The following ENTPD1 variants were observed in gnomAD, a reference collection of about 807,000 sequenced individuals.
ENTPD1 encodes ATP diphosphohydrolase.
Under a neutral mutation model 57.0 loss-of-function variants are expected in ENTPD1, and 33 were observed. The ratio of observed to expected loss-of-function variants is 0.58; its 90% CI spans 0.44 to 0.77. The LOEUF (loss-of-function observed/expected upper bound fraction) is 0.77, where lower values mean the gene tolerates loss of function less well. Ranked by LOEUF, ENTPD1 falls within the 30% of genes least tolerant of loss-of-function variation. The probability of loss-of-function intolerance (pLI) is 0.00; values close to 1 mark genes in which losing one functional copy is unlikely to be tolerated. For synonymous variants in ENTPD1, 202 were observed against 218.8 expected, an observed-to-expected ratio of 0.92 and a Z score of 0.68; for missense variants, 501 against 603.4, an observed-to-expected ratio of 0.83 and a Z score of 1.78.
upstream of ENTPD1, among the ~76,000 whole-genome samples, chr10:95,708,058 AATG>A (rs1414529033): frequency 2.0e-5 from 3 of 152,242 alleles, no homozygotes; most frequent in East Asian, 5.8e-4. Flanking sequence ...GATGACATCA[AATG>A]ATGATATAAA....
the ENTPD1 span, among the ~76,000 whole-genome samples, chr10:95,695,294 A>C: frequency 6.6e-6 from 1 of 152,202 alleles, no homozygotes; most frequent in African/African-American, 2.4e-5. Flanking sequence ...TAGATGATCA[A>C]AATATTGCTC....
the ENTPD1 span, among the ~76,000 whole-genome samples, chr10:95,704,505 C>T: frequency 4.6e-5 from 7 of 152,258 alleles, 1 homozygote; most frequent in Middle Eastern, 6.8e-3. Flanking sequence ...TATGTAGTCA[C>T]TTGATTTGTG....
chr10:95,753,359 T>C (rs2098015191), upstream of ENTPD1: 1 of 152,214 alleles, frequency 6.6e-6, no homozygotes, highest in Admixed American at 6.5e-5. Context: ...GGTGCGAACC[T>C]GGACAACGTG....
At chr10:95,716,932 A>C (rs1205322778) in intron 1 of ENTPD1, among the ~76,000 whole-genome samples, 1 of 152,212 alleles carries the variant, frequency 6.6e-6, no homozygotes, top group Non-Finnish European at 1.5e-5. Context: ...CAAGGTGACC[A>C]TAGAGTGGTA....
chr10:95,706,497 C>A, the ENTPD1 span, among the ~76,000 whole-genome samples: 1 of 152,206 alleles, frequency 6.6e-6, no homozygotes, highest in African/African-American at 2.4e-5. Context: ...CCTCTCTGCC[C>A]GCTGGTCGTC....
intron 8 of ENTPD1, among the ~76,000 whole-genome samples, chr10:95,864,115 T>C (rs1233859688): frequency 6.6e-6 from 1 of 152,154 alleles, no homozygotes; most frequent in African/African-American, 2.4e-5. Context: ...AAAAAAGACA[T>C]TAAGACAGAA....
At position 95,776,566 on chromosome 10, in the gene ENTPD1, T is replaced by A. The variant is rs151239094; in HGVS notation, c.16+20311T>A. On this transcript the variant is annotated intron_variant, in intron 1 of 9. Transcript: ENST00000371205. ...ACCCGACCTTTCTCTCTGGTTGCCC[T>A]TAACATTTTTTCCTTCACCTTGGTG... is the stretch of plus-strand genomic sequence containing the variant. 2.2e-3 allele frequency among the ~76,000 whole-genome samples: 338 copies of A among 152,350 alleles called. 5 individuals carry two copies. The highest frequency in any genetic ancestry group is 0.018 in the Admixed American group (282 of 15,312).
intron 1 of ENTPD1, among the ~76,000 whole-genome samples, chr10:95,798,545 A>C (rs2098236046): frequency 6.6e-6 from 1 of 152,100 alleles, no homozygotes. Context: ...TGTTATCCAA[A>C]TATTGTCTTT....
chr10:95,741,049 A>T (rs190110830), intron 1 of ENTPD1, among the ~76,000 whole-genome samples: 117 of 152,262 alleles, frequency 7.7e-4, no homozygotes, highest in East Asian at 6.9e-3. Flanking sequence ...TACTTTTTTT[A>T]AAGAAATTTT....
At chr10:95,827,347 T>G (rs1303214231) in intron 2 of ENTPD1, among the ~76,000 whole-genome samples, 1 of 151,688 alleles carries the variant, frequency 6.6e-6, no homozygotes, top group Admixed American at 6.6e-5. Context: ...CCCAACTACT[T>G]GGGAGGCTGA....
In ENTPD1 at chr10:95,847,669, A is replaced by G. The variant is rs370876470; in HGVS notation, c.1037A>G (p.Asn346Ser). 3.7e-6 allele frequency: 6 copies of G among 1,614,040 alleles called. No homozygotes were observed. The highest frequency in any genetic ancestry group is 2.7e-5 in the African/African-American group (2 of 74,918). The change falls in exon 7 of 10, where the codon AAT (asparagine) becomes AGT (serine). Residue 346 changes from asparagine (N) to serine (S), a missense_variant. Physicochemically the swap from Asn to Ser is conservative, Grantham distance 46. Transcript: ENST00000371205. ...TGCCCTTACTCCCAGTGTGCCTTCA[A>G]TGGGATTTTCTTGCCACCACTCCAG... is the stretch of plus-strand genomic sequence containing the variant. Reference protein sequence around the residue: ...SYCPYSQCAFNGIFLPPLQGD... With the variant: ...SYCPYSQCAFSGIFLPPLQGD...
intron 1 of ENTPD1, among the ~76,000 whole-genome samples, chr10:95,738,375 A>G (rs2097996790): frequency 6.6e-6 from 1 of 152,192 alleles, no homozygotes; most frequent in African/African-American, 2.4e-5. Context: ...TAATTGTCAG[A>G]TATTAATGAA....
the ENTPD1 span, among the ~76,000 whole-genome samples, chr10:95,705,418 T>G: frequency 7.2e-4 from 110 of 152,272 alleles, no homozygotes; most frequent in Admixed American, 3.0e-3. Context: ...GTATATAAAT[T>G]GTAGTATACT....
intron 1 of ENTPD1, among the ~76,000 whole-genome samples, chr10:95,764,131 C>G (rs1475508660): frequency 2.0e-5 from 3 of 152,184 alleles, no homozygotes; most frequent in Non-Finnish European, 4.4e-5. Context: ...AACCTCATAC[C>G]TATTAATGGG....
At chr10:95,751,953 G>A (rs1218716132), upstream of ENTPD1, among the ~76,000 whole-genome samples, 2 of 152,144 alleles carry the variant, frequency 1.3e-5, no homozygotes, top group African/African-American at 4.8e-5. Context: ...GGCAAAGGGT[G>A]AAGGTCTAGG....
rs529636803 is a variant in ENTPD1, at chr10:95,840,561, G to A, written c.262+753G>A. Among the ~76,000 whole-genome samples the A allele has an allele frequency of 3.3e-5, 5 of 152,300 alleles. No individual in the cohort carries two copies. The East Asian group carries it at 7.7e-4, about 23-fold the overall frequency. ...CAGATCGTTTAAATTTTGTTTCACAGAGAAGGAAACAAAAACCTGGAGGAT... is the reference window on the plus strand; with the variant it reads ...CAGATCGTTTAAATTTTGTTTCACAAAGAAGGAAACAAAAACCTGGAGGAT... On this transcript the variant is annotated intron_variant, in intron 3 of 9. Transcript: ENST00000371205.
chr10:95,700,262 A>G, the ENTPD1 span, among the ~76,000 whole-genome samples: 1 of 151,844 alleles, frequency 6.6e-6, no homozygotes, highest in African/African-American at 2.4e-5. Flanking sequence ...AGGACATCTA[A>G]TCTATTGAAC....
intron 1 of ENTPD1, among the ~76,000 whole-genome samples, chr10:95,739,097 C>T (rs774107679): frequency 5.3e-5 from 8 of 152,160 alleles, no homozygotes; most frequent in Non-Finnish European, 1.0e-4. Context: ...ATTAAAAATA[C>T]TTTATTGTTA....
At chr10:95,760,787 C>T (rs1048843560) in intron 1 of ENTPD1, among the ~76,000 whole-genome samples, 2 of 141,190 alleles carry the variant, frequency 1.4e-5, no homozygotes, top group African/African-American at 5.3e-5. Context: ...GAAGGTGAGG[C>T]CTGGAGTAAA....
Sources: gnomAD v4.1 joint callset for allele counts (sites outside exome capture counted in the v4.1 genomes callset) on GRCh38, gnomAD v4.1.1 for gene constraint, MANE v1.5 for transcripts, NCBI Gene and HGNC (gene_info 2026-07-23, HGNC 2026-07-21) for gene names.